NRXN1: variants seen among roughly 807,000 people sequenced by gnomAD.
NRXN1 encodes neurexin-1.
A neutral mutation model predicts 150.9 loss-of-function variants in NRXN1; 39 were observed. The ratio of observed to expected loss-of-function variants is 0.26; its 90% CI spans 0.20 to 0.34. The LOEUF is 0.34. NRXN1 is among the 10% of genes least tolerant of loss of function. NRXN1 has a pLI of 1.00. For missense variants in NRXN1, 1,815 were observed against 1,949.9 expected (o/e 0.93, Z 1.30); for synonymous variants, 924 against 757.0 (o/e 1.22, Z -3.62).
chr2:50,281,425 G>A (rs1296791040), intron 17 of NRXN1, among the ~76,000 whole-genome samples: 2 of 152,054 alleles, frequency 1.3e-5, no homozygotes, highest in Admixed American at 6.6e-5. Flanking sequence ...GAGCCTTAGT[G>A]AGTGAACAAA....
intron 21 of NRXN1, among the ~76,000 whole-genome samples, chr2:50,040,891 G>C (rs1690834869): frequency 6.6e-6 from 1 of 151,394 alleles, no homozygotes; most frequent in Non-Finnish European, 1.5e-5. Flanking sequence ...TACACTTTAA[G>C]TTTTAGGGTA....
At chr2:49,981,117 G>C (rs1188799021) in intron 21 of NRXN1, among the ~76,000 whole-genome samples, 2 of 152,072 alleles carry the variant, frequency 1.3e-5, no homozygotes, top group African/African-American at 4.8e-5. Context: ...GCCAGTCTCT[G>C]ACCAGTTTTT....
chr2:50,100,190 T>C (rs189039515), intron 18 of NRXN1, among the ~76,000 whole-genome samples: 1 of 152,300 alleles, frequency 6.6e-6, no homozygotes, highest in African/African-American at 2.4e-5. Context: ...GAAGTATCAG[T>C]AATCTGTGAA....
intron 21 of NRXN1, among the ~76,000 whole-genome samples, chr2:50,042,409 G>A (rs1691129231): frequency 6.6e-6 from 1 of 152,136 alleles, no homozygotes; most frequent in African/African-American, 2.4e-5. Context: ...CTGCCACCAT[G>A]TGAAGAAGCA....
intron 5 of NRXN1, among the ~76,000 whole-genome samples, chr2:50,717,710 G>T (rs1040365566): frequency 6.6e-6 from 1 of 152,126 alleles, no homozygotes. Flanking sequence ...ATGCTGAAGG[G>T]TCCAAGGTCA....
intron 18 of NRXN1, among the ~76,000 whole-genome samples, chr2:50,170,776 T>C (rs1373669890): frequency 6.6e-6 from 1 of 151,700 alleles, no homozygotes; most frequent in Non-Finnish European, 1.5e-5. Context: ...TGTGTGTGTG[T>C]GTGTGTGTGT....
At chr2:50,793,761 A>C (rs1296607390) in intron 5 of NRXN1, among the ~76,000 whole-genome samples, 2 of 152,128 alleles carry the variant, frequency 1.3e-5, no homozygotes, top group East Asian at 1.9e-4. Context: ...TCTTGTGGAC[A>C]AAATAGAAAC....
intron 17 of NRXN1, among the ~76,000 whole-genome samples, chr2:50,419,506 A>G (rs990397982): frequency 1.3e-5 from 2 of 152,032 alleles, no homozygotes; most frequent in Admixed American, 6.6e-5. Context: ...CTGGTAGTAT[A>G]CTGATGAAAT....
At chr2:50,873,573 G>C (rs976094302) in intron 5 of NRXN1, among the ~76,000 whole-genome samples, 9 of 151,834 alleles carry the variant, frequency 5.9e-5, no homozygotes, top group Non-Finnish European at 1.0e-4. Flanking sequence ...ATTTTGGGCG[G>C]GGTGGTTTAT....
chr2:49,935,359 C>T (rs891533120), intron 22 of NRXN1, among the ~76,000 whole-genome samples: 23 of 152,132 alleles, frequency 1.5e-4, no homozygotes, highest in East Asian at 9.7e-4. Flanking sequence ...GATGTGACAA[C>T]GTCAGTATTT....
chr2:50,640,755 C>T (rs566308775), intron 5 of NRXN1, among the ~76,000 whole-genome samples: 1 of 152,282 alleles, frequency 6.6e-6, no homozygotes, highest in African/African-American at 2.4e-5. Context: ...AGAGAAATCC[C>T]TAATTAGCTA....
chr2:50,697,746 T>C (rs575853181), intron 5 of NRXN1, among the ~76,000 whole-genome samples: 22 of 152,296 alleles, frequency 1.4e-4, no homozygotes, highest in South Asian at 6.2e-4. Context: ...GTTGCCATGG[T>C]CTACAAGGCC....
intron 21 of NRXN1, among the ~76,000 whole-genome samples, chr2:50,039,109 A>G (rs928622958): frequency 2.6e-5 from 4 of 152,066 alleles, no homozygotes; most frequent in African/African-American, 9.7e-5. Flanking sequence ...CCCAGGAGGC[A>G]GAGGTGGCGG....
intron 5 of NRXN1, among the ~76,000 whole-genome samples, chr2:50,678,374 G>C: frequency 6.6e-6 from 1 of 152,128 alleles, no homozygotes. Context: ...ACTATCTTTA[G>C]AAAGAATCCT....
chr2:50,781,442 ATC>A (rs1704335296), intron 5 of NRXN1, among the ~76,000 whole-genome samples: 1 of 152,194 alleles, frequency 6.6e-6, no homozygotes, highest in South Asian at 2.1e-4. Flanking sequence ...ATAGGAAATT[ATC>A]TCCAAGCGCT....
At chr2:51,019,010 T>C (rs777129371) in intron 2 of NRXN1, among the ~76,000 whole-genome samples, 1 of 152,056 alleles carries the variant, frequency 6.6e-6, no homozygotes, top group Non-Finnish European at 1.5e-5. Flanking sequence ...ATCATGACAG[T>C]AGGAAGCAGC....
rs1440312740 is a variant in NRXN1, at chr2:49,943,705, T to TAACCC, written c.4210_4214dup (p.Ala1406GlyfsTer2). On this transcript the variant is annotated frameshift_variant and splice_region_variant, in exon 22 of 23. Transcript: ENST00000401669. LOFTEE classifies it high-confidence loss of function. ...AAGTAAGAAAAAAAGTTGACTAACCTAACCCACCTGAGCTCGGCTCACAGG... is the reference window on the plus strand; with the variant it reads ...AAGTAAGAAAAAAAGTTGACTAACCTAACCCAACCCACCTGAGCTCGGCTCACAGG... 1.2e-6 allele frequency: 2 copies of TAACCC among 1,609,582 alleles called. No individual in the cohort carries two copies. Among genetic ancestry groups the TAACCC allele is most frequent in the South Asian group, 2.2e-5 (2 of 90,382 alleles).
intron 11 of NRXN1, 117 bp from the exon 12 acceptor site, chr2:50,528,768 T>A: frequency 1.1e-5 from 7 of 621,688 alleles, no homozygotes; most frequent in Non-Finnish European, 2.0e-5. Context: ...ATATGGCCAC[T>A]CCATATCATT....
chr2:51,001,019 C>T (rs940011584), intron 2 of NRXN1, among the ~76,000 whole-genome samples: 1 of 151,826 alleles, frequency 6.6e-6, no homozygotes, highest in African/African-American at 2.4e-5. Context: ...GATGTAAGAG[C>T]TTACAACAAA....
Sources: allele counts gnomAD v4.1 joint callset (sites outside exome capture counted in the v4.1 genomes callset), GRCh38; gene constraint gnomAD v4.1.1; transcripts MANE v1.5; gene names NCBI Gene and HGNC (gene_info 2026-07-23, HGNC 2026-07-21).